The following HYDIN variants were observed in gnomAD, a reference collection of about 807,000 sequenced individuals.
HYDIN encodes HYDIN axonemal central pair apparatus protein.
Under a neutral mutation model 403.9 loss-of-function variants are expected in HYDIN, and 132 were observed. The ratio of observed to expected loss-of-function variants is 0.33; its 90% confidence interval spans 0.28 to 0.38. The LOEUF (loss-of-function observed/expected upper bound fraction) is 0.38. Among genes scored for constraint, HYDIN ranks in the 10% least tolerant of loss-of-function variants. The probability of loss-of-function intolerance (pLI) is 1.00; values close to 1 mark genes in which losing one functional copy is unlikely to be tolerated. For missense variants in HYDIN, 2,827 were observed against 5,009.5 expected, an observed-to-expected ratio of 0.56 and a Z score of 13.15; for synonymous variants, 1,202 against 1,891.7, an observed-to-expected ratio of 0.64 and a Z score of 9.46.
At chr16:70,902,813 ATATATATATTTT>A (rs1190690025) in intron 52 of HYDIN, among the ~76,000 whole-genome samples, 6,355 of 29,272 alleles carry the variant, frequency 0.22, 289 homozygotes, top group Non-Finnish European at 0.26. Flanking sequence ...ATATATATAT[ATATATATATTTT>A]TTTTTTTTTT....
chr16:71,073,363 G>T (rs2082529058), intron 13 of HYDIN, among the ~76,000 whole-genome samples: 2 of 152,108 alleles, frequency 1.3e-5, no homozygotes, highest in Non-Finnish European at 2.9e-5. Flanking sequence ...CACCTACTAT[G>T]ATCTCTTCTG....
intron 4 of HYDIN, among the ~76,000 whole-genome samples, chr16:71,177,705 A>C (rs1344560452): frequency 6.6e-6 from 1 of 152,170 alleles, no homozygotes; most frequent in Non-Finnish European, 1.5e-5. Flanking sequence ...TAGACCCCTG[A>C]AAGTATTCCT....
chr16:71,223,233 C>T (rs1161963091), intron 1 of HYDIN, among the ~76,000 whole-genome samples: 1 of 152,116 alleles, frequency 6.6e-6, no homozygotes, highest in African/African-American at 2.4e-5. Flanking sequence ...AAAGGACACC[C>T]TATGCAATAA....
rs577696777 is a variant in HYDIN, at chr16:70,805,958, G to A, written c.*1622C>T. Among the ~76,000 whole-genome samples the A allele has an allele frequency of 6.6e-6, 1 of 152,286 alleles. No individual in the cohort carries two copies. Among genetic ancestry groups the A allele is most frequent in the South Asian group, 2.1e-4 (1 of 4,822 alleles). ...TGCCATCCCACTCCATCCTGCTCAG[G>A]ATGTGAATCATCCCCTCGTCTAGCG... On this transcript the variant is annotated 3_prime_UTR_variant, in exon 86 of 86. Transcript: ENST00000393567.
rs1185110253 is a variant in HYDIN at position 70,860,781 on chromosome 16, G to C, written c.11898C>G (p.Asn3966Lys). 2 of 610,964 alleles carry C rather than the reference G, an allele frequency of 3.3e-6. No individual in the cohort carries two copies. The highest frequency in any genetic ancestry group is 1.8e-5 in the South Asian group (1 of 54,336). 37.8% of individuals were successfully genotyped at this position (610,964 alleles called of 1,614,324 possible). Residue 3966 changes from asparagine (N) to lysine (K), a missense_variant, in exon 70 of 86, where the codon AAC becomes AAG. Transcript: ENST00000393567. The stretch of plus-strand genomic sequence containing the variant: ...CCCCACTGGACCCTCGGAGCTCTGG[G>C]TTGCGCTGATGGCCACTTATGTAGT... Reference protein sequence around the residue: ...DSDYISGHQRNPELRGSSGGA... With the variant: ...DSDYISGHQRKPELRGSSGGA...
At chr16:71,159,593 A>G (rs1221736198) in intron 6 of HYDIN, among the ~76,000 whole-genome samples, 1 of 101,178 alleles carries the variant, frequency 9.9e-6, no homozygotes, top group African/African-American at 4.0e-5. Context: ...AAAGCAAAAC[A>G]TAAACAAAAC....
Position 70,872,036 on chromosome 16 carries a change from C to T in HYDIN, c.11091+1G>A, listed in dbSNP as rs1293837403. 3 of 1,605,544 alleles carry T rather than the reference C, an allele frequency of 1.9e-6. No homozygotes were observed. Among genetic ancestry groups the T allele is most frequent in the Non-Finnish European group, 8.5e-7 (1 of 1,175,924 alleles). On this transcript the variant is annotated splice_donor_variant, in intron 65 of 85. Transcript: ENST00000393567. LOFTEE classifies it high-confidence loss of function. ...AAAAATGATGAATGACTTTTATTTA[C>T]CTGTGGGGAGAAAGCAATTGTAGCT... is the stretch of plus-strand genomic sequence containing the variant.
chr16:70,958,425 T>C (rs2078307951), intron 39 of HYDIN, among the ~76,000 whole-genome samples: 1 of 152,240 alleles, frequency 6.6e-6, no homozygotes, highest in Non-Finnish European at 1.5e-5. Context: ...AGAACAGAGC[T>C]GGTGGCTCTT....
At chr16:71,124,124 G>A (rs1597830118) in intron 9 of HYDIN, among the ~76,000 whole-genome samples, 1 of 151,122 alleles carries the variant, frequency 6.6e-6, no homozygotes, top group South Asian at 2.1e-4. Flanking sequence ...AGGAAGAGAG[G>A]GAACCAAGCA....
chr16:71,012,295 C>A (rs947610127), intron 23 of HYDIN, among the ~76,000 whole-genome samples: 4 of 152,262 alleles, frequency 2.6e-5, no homozygotes, highest in Non-Finnish European at 5.9e-5. Flanking sequence ...AGCCCCGGCA[C>A]TTCCTGCCAG....
Position 70,849,873 on chromosome 16 carries a change from T to C in HYDIN, c.12726A>G (p.Ala4242=). ...GCAAGGTTTTGGAGCCACACAGCTG[T>C]GCCTGGAAGCTGAAGGTGAACTTTC... ...NTGKFTFSFQ[A]QLCGSKTLLQ... Residue 4242 remains alanine, a synonymous_variant, in exon 75 of 86, where the codon GCA becomes GCG. Transcript: ENST00000393567. The C allele has an allele frequency of 1.3e-6, 1 of 746,346 alleles. No homozygotes were observed. Among genetic ancestry groups the C allele is most frequent in the Non-Finnish European group, 2.3e-6 (1 of 436,800 alleles). 46.2% of individuals were successfully genotyped at this position (746,346 alleles called of 1,614,324 possible).
intron 10 of HYDIN, among the ~76,000 whole-genome samples, chr16:71,114,239 G>C (rs2083931667): frequency 6.6e-6 from 1 of 151,780 alleles, no homozygotes; most frequent in South Asian, 2.1e-4. Context: ...ACCTGAATTG[G>C]TTATTGCAAT....
At chr16:71,204,253 C>T (rs907551021) in intron 1 of HYDIN, among the ~76,000 whole-genome samples, 11 of 152,158 alleles carry the variant, frequency 7.2e-5, no homozygotes, top group Non-Finnish European at 2.9e-5. Flanking sequence ...AAAAGTAACA[C>T]CTGGGAATCA....
At chr16:71,033,870 A>G (rs1331006962) in intron 18 of HYDIN, among the ~76,000 whole-genome samples, 2 of 151,778 alleles carry the variant, frequency 1.3e-5, no homozygotes, top group African/African-American at 4.8e-5. Context: ...GAAAGACATT[A>G]CTCAGAAGTA....
At chr16:70,890,662 C>T (rs1332786545) in intron 57 of HYDIN, among the ~76,000 whole-genome samples, 1 of 150,310 alleles carries the variant, frequency 6.7e-6, no homozygotes, top group African/African-American at 2.4e-5. Context: ...CCTTAATTTG[C>T]CCGAAAAAGA....
chr16:70,868,672 C>A lies in HYDIN; in HGVS notation c.11208G>T (p.Gln3736His), dbSNP rs190003790. Reference sequence around the variant, plus strand: ...AGTCGGGGACCTGGTCTGCAGGGAGCTGAAACATAATCCTGGAGAGCTTGC... The same window carrying A: ...AGTCGGGGACCTGGTCTGCAGGGAGATGAAACATAATCCTGGAGAGCTTGC... ...IRCKLSRIMF[Q>H]LPADQVPDWD... Residue 3736 changes from glutamine (Q) to histidine (H), a missense_variant, in exon 66 of 86, where the codon CAG (glutamine) becomes CAT (histidine). Physicochemically the swap from Gln to His is conservative, Grantham distance 24 (BLOSUM62 0). Transcript: ENST00000393567. 9 of 1,614,198 alleles carry A rather than the reference C, an allele frequency of 5.6e-6. No individual in the cohort carries two copies. The East Asian group carries it at 2.0e-4, about 36-fold the overall frequency.
Position 70,970,600 on chromosome 16 carries a change from C to A in HYDIN, c.5539G>T (p.Val1847Leu), listed in dbSNP as rs2078704396. 2 of 1,371,748 alleles carry A rather than the reference C, an allele frequency of 1.5e-6. No homozygotes were observed. Among genetic ancestry groups the A allele is most frequent in the Middle Eastern group, 2.0e-4 (1 of 5,114 alleles). The allele number at this position is 1,371,748 out of a possible 1,614,324, so 85.0% of individuals were successfully genotyped here. A position where few individuals can be genotyped will look rare whatever the true frequency, so the allele number is the denominator to read the frequency against. ...LLCAPGDEAE[V>L]IVKNPCNFPI... ...AAGTTGCAGGGATTCTTCACTATCA[C>A]CTCGGCCTCGTCTCCAGGTGCACAA... The change falls in exon 36 of 86, where the codon GTG (valine) becomes TTG (leucine). Residue 1847 changes from valine to leucine, a missense_variant. Transcript: ENST00000393567.
At position 70,805,150 on chromosome 16, in the gene HYDIN, A is replaced by AT. The variant is rs1259097986; in HGVS notation, c.*2429dup. Among the ~76,000 whole-genome samples, 1 of 152,232 alleles carries AT rather than the reference A, an allele frequency of 6.6e-6. No homozygotes were observed. ...GCACATTTTGGGGAGGGTTAATTTCATCAACTAGGTCCTATGCAGATTTGG... is the reference window on the plus strand; with the variant it reads ...GCACATTTTGGGGAGGGTTAATTTCATTCAACTAGGTCCTATGCAGATTTGG... On this transcript the variant is annotated 3_prime_UTR_variant, in exon 86 of 86. Transcript: ENST00000393567.
chr16:71,152,942 G>A, intron 6 of HYDIN, 159 bp from the exon 7 acceptor site: 1 of 598,614 alleles, frequency 1.7e-6, no homozygotes, highest in Non-Finnish European at 2.9e-6. Flanking sequence ...TAATGTGAAA[G>A]AACTTTAGTT....
Sources: gnomAD v4.1 joint callset for allele counts (sites outside exome capture counted in the v4.1 genomes callset) on GRCh38, gnomAD v4.1.1 for gene constraint, MANE v1.5 for transcripts, NCBI Gene and HGNC (gene_info 2026-07-23, HGNC 2026-07-21) for gene names.